Variants in SLC30A9 observed in about 807,000 individuals in gnomAD.
The protein encoded by SLC30A9 is solute carrier family 30 member 9.
In SLC30A9, 58 loss-of-function variants were observed where a neutral mutation model predicts 87.5. The ratio of observed to expected loss-of-function variants is 0.66; its 90% CI spans 0.54 to 0.82. The LOEUF is 0.82. Ranked by LOEUF, SLC30A9 falls within the 40% of genes least tolerant of loss-of-function variation. The probability of loss-of-function intolerance (pLI) is 0.00; values close to 1 mark genes in which losing one functional copy is unlikely to be tolerated. For synonymous variants in SLC30A9, 234 were observed against 233.0 expected (o/e 1.00, Z -0.04); for missense variants, 557 against 679.1 (o/e 0.82, Z 2.00).
chr4:42,078,928 G>T (rs1445479136), intron 17 of SLC30A9: 6 of 152,118 alleles, frequency 3.9e-5, no homozygotes, highest in African/African-American at 1.4e-4. Flanking sequence ...GTTGAAGGCA[G>T]TGCTTTTTCT....
intron 7 of SLC30A9, among the ~76,000 whole-genome samples, chr4:42,035,774 G>GCATGAGCCAC (rs1553916617): frequency 2.0e-5 from 3 of 151,266 alleles, no homozygotes; most frequent in Non-Finnish European, 4.4e-5. Flanking sequence ...GGGATTACAA[G>GCATGAGCCAC]CGTGCCCGGC....
chr4:42,026,133 A>AGCTAG, intron 6 of SLC30A9, among the ~76,000 whole-genome samples: 3 of 152,308 alleles, frequency 2.0e-5, no homozygotes, highest in Middle Eastern at 6.8e-3. Flanking sequence ...TCTAGCTGAC[A>AGCTAG]ATCCACAGAT....
At chr4:42,032,378 G>A (rs1231527349) in intron 6 of SLC30A9, among the ~76,000 whole-genome samples, 1 of 152,152 alleles carries the variant, frequency 6.6e-6, no homozygotes, top group African/African-American at 2.4e-5. Context: ...TTTGTTATTA[G>A]TAACCTGGAA....
At chr4:42,062,849 G>T in intron 10 of SLC30A9, 137 bp from the exon 11 acceptor site, 1 of 696,188 alleles carries the variant, frequency 1.4e-6, no homozygotes. Flanking sequence ...TTTCAAGTTT[G>T]GCACTTAACA....
In SLC30A9 at chr4:42,086,163, A is replaced by C. The variant is rs1276279082; in HGVS notation, c.*37A>C. 1.5e-6 allele frequency: 2 copies of C among 1,357,762 alleles called. No homozygotes were observed. The highest frequency in any genetic ancestry group is 3.7e-5 in the Admixed American group (2 of 54,212). 84.1% of individuals were successfully genotyped at this position (1,357,762 alleles called of 1,614,324 possible). A position where few individuals can be genotyped will look rare whatever the true frequency, so the allele number is the denominator to read the frequency against. The stretch of plus-strand genomic sequence containing the variant: ...TGAATCACCTGGGTGGGGACCTTGG[A>C]AACAAGTTTGTCCGTCCACTCTACA... On this transcript the variant is annotated 3_prime_UTR_variant, in exon 18 of 18. Transcript: ENST00000264451.
intron 6 of SLC30A9, among the ~76,000 whole-genome samples, chr4:42,028,302 G>A (rs1010877946): frequency 2.0e-5 from 3 of 152,054 alleles, no homozygotes; most frequent in African/African-American, 7.2e-5. Context: ...TGTATTTTTA[G>A]TAGAGATGGG....
intron 2 of SLC30A9, among the ~76,000 whole-genome samples, chr4:42,015,584 A>G (rs1715684207): frequency 6.6e-6 from 1 of 152,140 alleles, no homozygotes; most frequent in African/African-American, 2.4e-5. Flanking sequence ...CTACTACCCC[A>G]TCTGCTCAAG....
At chr4:42,022,764 C>T in intron 4 of SLC30A9, 74 bp from the exon 5 acceptor site, 3 of 750,896 alleles carry the variant, frequency 4.0e-6, no homozygotes, top group African/African-American at 1.8e-5. Context: ...TTTTATCTGC[C>T]CTTAGTAATC....
At chr4:42,068,074 C>G (rs753815500) in intron 14 of SLC30A9, among the ~76,000 whole-genome samples, 35 of 152,252 alleles carry the variant, frequency 2.3e-4, no homozygotes, top group Non-Finnish European at 4.6e-4. Context: ...ATTGCTGATA[C>G]TCACTGATTC....
At chr4:42,018,191 T>G (rs1164450103) in intron 3 of SLC30A9, 21 bp downstream of exon 3, 1 of 1,374,674 alleles carries the variant, frequency 7.3e-7, no homozygotes, top group Admixed American at 1.8e-5. Context: ...TTTATCCTAT[T>G]TTTGTATTAT....
intron 1 of SLC30A9, among the ~76,000 whole-genome samples, chr4:41,992,193 C>T (rs868626136): frequency 6.6e-6 from 1 of 151,674 alleles, no homozygotes; most frequent in Non-Finnish European, 1.5e-5. Context: ...AAAAAATTAG[C>T]CTGGTTTGGT....
At chr4:42,025,108 C>T (rs202048823) in intron 6 of SLC30A9, among the ~76,000 whole-genome samples, 1 of 151,326 alleles carries the variant, frequency 6.6e-6, no homozygotes, top group Non-Finnish European at 1.5e-5. Context: ...CTACCAACAA[C>T]ATGGCCAGCC....
At chr4:42,027,302 A>G (rs115784036) in intron 6 of SLC30A9, among the ~76,000 whole-genome samples, 4,137 of 152,310 alleles carry the variant, frequency 0.027, 76 homozygotes, top group African/African-American at 0.043. Context: ...TTTTATTTAC[A>G]TATTGTCTGT....
At chr4:42,058,908 C>T (rs377090533) in intron 9 of SLC30A9, among the ~76,000 whole-genome samples, 140 of 152,274 alleles carry the variant, frequency 9.2e-4, no homozygotes, top group African/African-American at 3.3e-3. Context: ...GTTATATCTT[C>T]CTTTGAATTT....
rs767078182 is a variant in SLC30A9, at chr4:41,990,690, TA to T, written c.40del (p.Ser14AlafsTer28). The T allele has an allele frequency of 1.8e-5, 29 of 1,611,810 alleles. No homozygotes were observed. The African/African-American group carries it at 3.2e-4, about 18-fold the overall frequency. On this transcript the variant is annotated frameshift_variant, in exon 1 of 18. Transcript: ENST00000264451. LOFTEE classifies it high-confidence loss of function. Reference sequence around the variant, plus strand: ...TGGCCGCCGCCGCGGCCCACAGATGTAGCTGGTCCTCCCTGTGCCGGCTCCG... The same window carrying T: ...TGGCCGCCGCCGCGGCCCACAGATGTGCTGGTCCTCCCTGTGCCGGCTCCG... ...GLAAAAAHRC[S>X]WSSLCRLRLR...
intron 1 of SLC30A9, among the ~76,000 whole-genome samples, chr4:41,995,581 C>T (rs979247460): frequency 6.6e-6 from 1 of 152,070 alleles, no homozygotes; most frequent in Non-Finnish European, 1.5e-5. Context: ...TGGCCTAGGA[C>T]TCCAGCTTTT....
chr4:42,047,693 C>T (rs1010662237), intron 8 of SLC30A9, among the ~76,000 whole-genome samples: 4 of 152,196 alleles, frequency 2.6e-5, no homozygotes, highest in Middle Eastern at 3.4e-3. Flanking sequence ...GATCTAGAAC[C>T]GGAAATACCA....
chr4:42,023,380 A>G lies in SLC30A9; in HGVS notation c.606A>G (p.Arg202=). The G allele has an allele frequency of 1.3e-6, 2 of 1,584,784 alleles. No homozygotes were observed. Among genetic ancestry groups the G allele is most frequent in the Non-Finnish European group, 1.7e-6 (2 of 1,153,214 alleles). Reference sequence around the variant, plus strand: ...GTAAGGAAGCAGAAATAGAATACAGAGAAAGTAAGTATATTCAATTTAAAG... The same window carrying G: ...GTAAGGAAGCAGAAATAGAATACAGGGAAAGTAAGTATATTCAATTTAAAG... The part of the protein sequence containing the change: ...KLRKEAEIEY[R]ERLFRNQKIL... Residue 202 remains arginine (R), a synonymous_variant, in exon 6 of 18, where the codon AGA becomes AGG. Transcript: ENST00000264451.
Position 42,087,894 on chromosome 4 carries a change from C to A in SLC30A9, c.*1768C>A, listed in dbSNP as rs1340697861. 1.3e-5 allele frequency: 2 copies of A among 151,452 alleles called. No homozygotes were observed. Among genetic ancestry groups the A allele is most frequent in the Non-Finnish European group, 2.9e-5 (2 of 67,942 alleles). The allele number at this position is 151,452 out of a possible 1,614,324, so 9.4% of individuals were successfully genotyped here. On this transcript the variant is annotated 3_prime_UTR_variant, in exon 18 of 18. Transcript: ENST00000264451. The stretch of plus-strand genomic sequence containing the variant: ...ATCCAGTTTCCTCCTAGTGATATTA[C>A]TCTGAAAAATTTCACAAAGCCAGAC...
Sources: gnomAD v4.1 joint callset for allele counts (sites outside exome capture counted in the v4.1 genomes callset) on GRCh38, gnomAD v4.1.1 for gene constraint, MANE v1.5 for transcripts, NCBI Gene and HGNC (gene_info 2026-07-23, HGNC 2026-07-21) for gene names.